The following PXDNL variants were observed in gnomAD, a reference collection of about 807,000 sequenced individuals.
The protein encoded by PXDNL is probable oxidoreductase PXDNL.
A neutral mutation model predicts 150.8 loss-of-function variants in PXDNL; 145 were observed. That is an observed-to-expected ratio of 0.96 (90% CI 0.84 to 1.10). The LOEUF (loss-of-function observed/expected upper bound fraction) is 1.10. Among genes scored for constraint, PXDNL ranks in the 50% least tolerant of loss-of-function variants. The pLI, the probability that PXDNL is intolerant of heterozygous loss-of-function variation, is 0.00. For missense variants in PXDNL, 2,087 were observed against 1,873.9 expected (o/e 1.11, Z -2.10); for synonymous variants, 757 against 725.7 (o/e 1.04, Z -0.69).
At chr8:51,491,611 G>A (rs748147401) in intron 5 of PXDNL, among the ~76,000 whole-genome samples, 20 of 152,102 alleles carry the variant, frequency 1.3e-4, no homozygotes, top group Non-Finnish European at 2.6e-4. Context: ...ACTGCCATGG[G>A]CCTGCCTGCC....
chr8:51,463,200 A>G (rs1236816999), intron 8 of PXDNL, among the ~76,000 whole-genome samples: 9 of 152,218 alleles, frequency 5.9e-5, no homozygotes. Flanking sequence ...TACCCCATAG[A>G]TAGACCCTAT....
intron 4 of PXDNL, among the ~76,000 whole-genome samples, chr8:51,515,458 T>G (rs1287634321): frequency 6.6e-6 from 1 of 152,200 alleles, no homozygotes; most frequent in Admixed American, 6.5e-5. Flanking sequence ...CCAGGCACTC[T>G]TGACACACAC....
At chr8:51,387,025 T>A (rs1442604886) in intron 17 of PXDNL, among the ~76,000 whole-genome samples, 3 of 152,216 alleles carry the variant, frequency 2.0e-5, no homozygotes, top group Non-Finnish European at 2.9e-5. Flanking sequence ...GCTTCTCCAC[T>A]CAAATCTGAT....
intron 1 of PXDNL, among the ~76,000 whole-genome samples, chr8:51,685,919 ATGAG>A (rs973765169): frequency 6.6e-6 from 1 of 152,244 alleles, no homozygotes; most frequent in African/African-American, 2.4e-5. Context: ...TAATGAATTA[ATGAG>A]TATTACATAA....
intron 1 of PXDNL, among the ~76,000 whole-genome samples, chr8:51,689,580 T>G (rs1815946391): frequency 6.6e-6 from 1 of 152,096 alleles, no homozygotes; most frequent in African/African-American, 2.4e-5. Context: ...GACTCTTTTT[T>G]TTTTCCCTAA....
At chr8:51,492,264 T>C (rs919616380) in intron 5 of PXDNL, among the ~76,000 whole-genome samples, 4 of 152,188 alleles carry the variant, frequency 2.6e-5, no homozygotes, top group African/African-American at 9.7e-5. Flanking sequence ...CAGAGAGAAA[T>C]AGCATATCAT....
At chr8:51,639,545 C>T (rs1324665369) in intron 2 of PXDNL, among the ~76,000 whole-genome samples, 1 of 152,130 alleles carries the variant, frequency 6.6e-6, no homozygotes, top group Non-Finnish European at 1.5e-5. Context: ...CACAGAAATA[C>T]AAATTACCAT....
intron 1 of PXDNL, among the ~76,000 whole-genome samples, chr8:51,715,564 A>C (rs575517992): frequency 6.6e-6 from 1 of 152,242 alleles, no homozygotes; most frequent in South Asian, 2.1e-4. Flanking sequence ...AGCTTCTCCA[A>C]CTCCATAAAC....
intron 3 of PXDNL, among the ~76,000 whole-genome samples, chr8:51,569,884 T>C (rs1312675693): frequency 6.6e-6 from 1 of 151,840 alleles, no homozygotes; most frequent in African/African-American, 2.4e-5. Context: ...TGAGACAGTT[T>C]TTCCAAAAAA....
rs927054702 is a variant in PXDNL at position 51,339,558 on chromosome 8, A to C, written c.4146+66T>G. The C allele has an allele frequency of 9.4e-6, 14 of 1,496,516 alleles. No homozygotes were observed. The Admixed American group carries it at 2.1e-4, about 22-fold the overall frequency. 92.7% of individuals were successfully genotyped at this position (1,496,516 alleles called of 1,614,324 possible). A position where few individuals can be genotyped will look rare whatever the true frequency, so the allele number is the denominator to read the frequency against. On this transcript the variant is annotated intron_variant, in intron 21 of 22. Transcript: ENST00000356297. Reference sequence around the variant, plus strand: ...CTGTAATTGTGGAGAGTTACTGGACAAATCTTTTATGTTTAGTTATTCCAA... The same window carrying C: ...CTGTAATTGTGGAGAGTTACTGGACCAATCTTTTATGTTTAGTTATTCCAA...
chr8:51,533,640 C>A (rs529735728), intron 4 of PXDNL, among the ~76,000 whole-genome samples: 1 of 150,486 alleles, frequency 6.6e-6, no homozygotes, highest in Admixed American at 6.6e-5. Flanking sequence ...GACGCCGCCA[C>A]GCCTGACTGG....
At chr8:51,379,945 A>G (rs1473369899) in intron 17 of PXDNL, among the ~76,000 whole-genome samples, 1 of 152,142 alleles carries the variant, frequency 6.6e-6, no homozygotes, top group African/African-American at 2.4e-5. Flanking sequence ...GCTCTTTCAA[A>G]TAGGATATTT....
In PXDNL at chr8:51,457,552, A is replaced by G. The variant is rs1586122754; in HGVS notation, c.928T>C (p.Ser310Pro). Residue 310 changes from serine (S) to proline (P), a missense_variant, in exon 9 of 23, where the codon TCC becomes CCC. Physicochemically the swap from Ser to Pro is moderately conservative, Grantham distance 74 (BLOSUM62 -1). Transcript: ENST00000356297. ...QGVYQCMARN[S>P]AGEAKTQSAM... is the part of the protein sequence containing the mutation. ...CTCTGTGTCTTGGCTTCCCCAGCGGAATTTCTGGCCATGCACTGATAGACA... is the reference window on the plus strand; with the variant it reads ...CTCTGTGTCTTGGCTTCCCCAGCGGGATTTCTGGCCATGCACTGATAGACA... 1 of 1,613,710 alleles carries G rather than the reference A, an allele frequency of 6.2e-7. No individual in the cohort carries two copies. The highest frequency in any genetic ancestry group is 8.5e-7 in the Non-Finnish European group (1 of 1,179,808).
At chr8:51,387,786 T>C (rs1283118244) in intron 17 of PXDNL, among the ~76,000 whole-genome samples, 2 of 152,236 alleles carry the variant, frequency 1.3e-5, no homozygotes, top group Non-Finnish European at 2.9e-5. Context: ...TTTTACCAAA[T>C]GTCATTTTGG....
At chr8:51,574,404 C>T (rs571635292) in intron 3 of PXDNL, among the ~76,000 whole-genome samples, 12 of 151,110 alleles carry the variant, frequency 7.9e-5, no homozygotes, top group Non-Finnish European at 1.2e-4. Flanking sequence ...AAATATACAC[C>T]GAGTCTCAGG....
intron 19 of PXDNL, among the ~76,000 whole-genome samples, chr8:51,369,738 ACACT>A (rs1807037522): frequency 6.6e-6 from 1 of 152,184 alleles, no homozygotes; most frequent in African/African-American, 2.4e-5. Flanking sequence ...TTTTTTAAAG[ACACT>A]CACAGAGAAA....
rs929428392 is a variant in PXDNL at position 51,320,872 on chromosome 8, C to T, written c.4172G>A (p.Arg1391Lys). The change falls in exon 22 of 23, where the codon AGG (arginine) becomes AAG (lysine). Residue 1391 changes from arginine (R) to lysine (K), a missense_variant. By Grantham distance (26) the Arg-to-Lys change is conservative. Coordinates refer to ENST00000356297, the MANE Select transcript of PXDNL (RefSeq NM_144651.5). The stretch of plus-strand genomic sequence containing the variant: ...TCTAACATCTGTACACCCTGCCTGC[C>T]TCAGGCGTGCCTCCAGCTTGTTTAT... ...EQINKLEARL[R>K]QAGCTDVRGV... The T allele has an allele frequency of 1.1e-5, 18 of 1,613,650 alleles. No homozygotes were observed. Among genetic ancestry groups the T allele is most frequent in the Non-Finnish European group, 1.5e-5 (18 of 1,179,640 alleles).
chr8:51,323,537 T>C (rs2130608841), intron 21 of PXDNL, among the ~76,000 whole-genome samples: 1 of 152,296 alleles, frequency 6.6e-6, no homozygotes, highest in South Asian at 2.1e-4. Flanking sequence ...AATCACTCTG[T>C]CTTGGCTTCC....
At chr8:51,470,084 T>C (rs1810290065) in intron 8 of PXDNL, among the ~76,000 whole-genome samples, 1 of 152,086 alleles carries the variant, frequency 6.6e-6, no homozygotes, top group Non-Finnish European at 1.5e-5. Flanking sequence ...TTTGTAACCT[T>C]GAACACACCA....
Sources: allele counts gnomAD v4.1 joint callset (sites outside exome capture counted in the v4.1 genomes callset), GRCh38; gene constraint gnomAD v4.1.1; transcripts MANE v1.5; gene names NCBI Gene and HGNC (gene_info 2026-07-23, HGNC 2026-07-21).